The following ASAP2 variants were observed in gnomAD, a reference collection of about 807,000 sequenced individuals.
ASAP2 encodes the protein ArfGAP with SH3 domain, ankyrin repeat and PH domain 2, also known as arf-GAP with SH3 domain, ANK repeat and PH domain-containing protein 2.
A neutral mutation model predicts 131.4 loss-of-function variants in ASAP2; 45 were observed. The observed-to-expected ratio is 0.34, with a 90% CI of 0.27 to 0.44. ASAP2 has a LOEUF of 0.44. Ranked by LOEUF, ASAP2 falls within the 20% of genes least tolerant of loss-of-function variation. The probability of loss-of-function intolerance (pLI) is 1.00; values close to 1 mark genes in which losing one functional copy is unlikely to be tolerated. For missense variants in ASAP2, 1,011 were observed against 1,297.0 expected (o/e 0.78, Z 3.39); for synonymous variants, 510 against 503.0 (o/e 1.01, Z -0.19).
At chr2:9,230,782 G>A (rs1208936696) in intron 1 of ASAP2, among the ~76,000 whole-genome samples, 2 of 152,232 alleles carry the variant, frequency 1.3e-5, no homozygotes, top group Non-Finnish European at 2.9e-5. Context: ...CACTGGAGAA[G>A]CCCTTTTAAG....
rs1489757091 is a variant in ASAP2 at position 9,374,867 on chromosome 2, A to G, written c.1669A>G (p.Arg557Gly). 6.2e-7 allele frequency: 1 copy of G among 1,613,948 alleles called. No homozygotes were observed. Residue 557 changes from arginine (R) to glycine (G), a missense_variant, in exon 17 of 28, where the codon AGA (arginine) becomes GGA (glycine). This residue lies in a region of ASAP2 where 652 missense variants were observed against 698.9 expected (regional missense o/e 0.93). Coordinates refer to ENST00000281419, the MANE Select transcript of ASAP2 (RefSeq NM_003887.3). ...LHSLCEAVKTRDIFGLLQAYA... is the reference protein window; with the variant it reads ...LHSLCEAVKTGDIFGLLQAYA... ...CAGTCTTTGCGAGGCCGTCAAAACG[A>G]GAGATATTTTTGGATTGCTCCAAGC...
chr2:9,317,541 A>C (rs1277166402), intron 3 of ASAP2, among the ~76,000 whole-genome samples: 2 of 137,066 alleles, frequency 1.5e-5, no homozygotes, highest in South Asian at 2.4e-4. Context: ...AATCCACACA[A>C]TCTCTCACAT....
rs1454116628 is a variant in ASAP2, at chr2:9,258,644, G to A, written c.127-20673G>A. On this transcript the variant is annotated intron_variant, in intron 1 of 27. Transcript: ENST00000281419. ...AAATGCAAACCTTCCCGGGTCCTGG[G>A]GCAGTGTGGCTTGAGCAGGCGAAAC... 2.0e-5 allele frequency among the ~76,000 whole-genome samples: 3 copies of A among 152,112 alleles called. No homozygotes were observed. The East Asian group carries it at 5.8e-4, about 29-fold the overall frequency.
At chr2:9,266,335 T>A (rs1665949497) in intron 1 of ASAP2, among the ~76,000 whole-genome samples, 1 of 152,180 alleles carries the variant, frequency 6.6e-6, no homozygotes, top group Non-Finnish European at 1.5e-5. Context: ...TTTGTAGAGA[T>A]GGGGTCTCAC....
At chr2:9,387,138 C>T (rs566478449) in intron 21 of ASAP2, among the ~76,000 whole-genome samples, 9 of 147,392 alleles carry the variant, frequency 6.1e-5, no homozygotes, top group East Asian at 4.0e-4. Flanking sequence ...GGCGTAAACC[C>T]GGGAGGCGGA....
intron 7 of ASAP2, among the ~76,000 whole-genome samples, chr2:9,328,287 CT>C (rs1247345937): frequency 1.3e-5 from 2 of 152,026 alleles, no homozygotes; most frequent in Non-Finnish European, 2.9e-5. Context: ...GATTGCACAA[CT>C]TTGTGAATTT....
chr2:9,296,561 G>A (rs1375275952), intron 2 of ASAP2, among the ~76,000 whole-genome samples: 1 of 152,274 alleles, frequency 6.6e-6, no homozygotes, highest in African/African-American at 2.4e-5. Flanking sequence ...CAACATGTGT[G>A]TTGTCTAATA....
At chr2:9,234,903 C>G (rs955720748) in intron 1 of ASAP2, among the ~76,000 whole-genome samples, 1 of 152,068 alleles carries the variant, frequency 6.6e-6, no homozygotes, top group East Asian at 1.9e-4. Context: ...TCTAGAAATA[C>G]CCTATTTTTC....
intron 24 of ASAP2, among the ~76,000 whole-genome samples, chr2:9,396,531 C>G (rs999324488): frequency 6.6e-6 from 1 of 152,140 alleles, no homozygotes; most frequent in African/African-American, 2.4e-5. Flanking sequence ...CCCACCTTGG[C>G]CTTTCAGAGT....
chr2:9,244,807 C>A (rs1193643659), intron 1 of ASAP2, among the ~76,000 whole-genome samples: 1 of 152,198 alleles, frequency 6.6e-6, no homozygotes, highest in Admixed American at 6.5e-5. Context: ...TATGAGAATA[C>A]ATGATGTGAA....
In ASAP2 at chr2:9,344,601, G is replaced by A. The variant is rs1441974769; in HGVS notation, c.919G>A (p.Glu307Lys). ...QPQGNKEHGT[E>K]RNGSLYKKSD... ...TCAGGGAAACAAGGAACATGGGACC[G>A]AGCGGAACGGCAGCCTCTACAAGAA... The change falls in exon 10 of 28, where the codon GAG becomes AAG. Residue 307 changes from glutamate to lysine, a missense_variant. Physicochemically the swap from Glu to Lys is moderately conservative, Grantham distance 56. Around this residue, in one of 2 missense-constraint regions of ASAP2, gnomAD observed 359 missense variants for 598.1 expected, o/e 0.60. Transcript: ENST00000281419. The A allele has an allele frequency of 5.0e-6, 8 of 1,614,172 alleles. No homozygotes were observed. The highest frequency in any genetic ancestry group is 1.6e-4 in the Middle Eastern group (1 of 6,062).
chr2:9,298,618 T>C (rs1668295661), intron 3 of ASAP2, among the ~76,000 whole-genome samples: 1 of 152,180 alleles, frequency 6.6e-6, no homozygotes, highest in South Asian at 2.1e-4. Context: ...CCCTGGACAC[T>C]GGCAGGCATG....
At chr2:9,375,146 G>T (rs1178591519) in intron 17 of ASAP2, among the ~76,000 whole-genome samples, 4 of 151,740 alleles carry the variant, frequency 2.6e-5, no homozygotes, top group East Asian at 1.9e-4. Flanking sequence ...GCCAGGCATG[G>T]TGGTGTACAT....
chr2:9,242,216 A>G (rs544775736), intron 1 of ASAP2, among the ~76,000 whole-genome samples: 29 of 152,324 alleles, frequency 1.9e-4, no homozygotes, highest in African/African-American at 7.0e-4. Context: ...TTAGGGGCGC[A>G]TGCTTTGGCG....
intron 16 of ASAP2, among the ~76,000 whole-genome samples, chr2:9,370,209 C>T (rs1027540987): frequency 6.6e-6 from 1 of 152,096 alleles, no homozygotes; most frequent in Non-Finnish European, 1.5e-5. Context: ...ATTCTTTCTG[C>T]GTTTTGCTGA....
chr2:9,276,664 A>G (rs1266433746), intron 1 of ASAP2, among the ~76,000 whole-genome samples: 2 of 151,926 alleles, frequency 1.3e-5, no homozygotes. Context: ...CAGCCTCCTG[A>G]GTAGCTGGGA....
At chr2:9,290,930 G>T (rs1288245844) in intron 2 of ASAP2, among the ~76,000 whole-genome samples, 1 of 152,200 alleles carries the variant, frequency 6.6e-6, no homozygotes, top group Admixed American at 6.5e-5. Flanking sequence ...CTGCTAGCAA[G>T]TGCTCAGTTT....
intron 7 of ASAP2, among the ~76,000 whole-genome samples, chr2:9,334,392 G>C (rs1671061076): frequency 6.6e-6 from 1 of 151,996 alleles, no homozygotes; most frequent in Non-Finnish European, 1.5e-5. Context: ...GCGGTCGCCT[G>C]TTGCGGCACA....
chr2:9,383,337 C>G (rs948307787), intron 20 of ASAP2, among the ~76,000 whole-genome samples: 1 of 152,088 alleles, frequency 6.6e-6, no homozygotes, highest in African/African-American at 2.4e-5. Context: ...TGTGGACAGC[C>G]TCAAACTCCT....
Sources: gnomAD v4.1 joint callset for allele counts (sites outside exome capture counted in the v4.1 genomes callset) on GRCh38, gnomAD v4.1.1 for gene constraint, gnomAD v4.1.1 regional missense constraint, MANE v1.5 for transcripts, NCBI Gene and HGNC (gene_info 2026-07-23, HGNC 2026-07-21) for gene names.